AR: variants seen among roughly 807,000 people sequenced by gnomAD.
AR encodes androgen receptor, also known as dihydrotestosterone receptor.
Under a neutral mutation model 53.9 loss-of-function variants are expected in AR, and 8 were observed. That is an observed-to-expected ratio of 0.15 (90% CI 0.09 to 0.27). The LOEUF (loss-of-function observed/expected upper bound fraction) is 0.27. AR is among the 10% of genes least tolerant of loss of function. The probability of loss-of-function intolerance (pLI) is 1.00; values close to 1 mark genes in which losing one functional copy is unlikely to be tolerated. For synonymous variants in AR, 359 were observed against 316.4 expected (o/e 1.13, Z -1.43); for missense variants, 639 against 742.5 (o/e 0.86, Z 1.62).
intron 3 of AR, among the ~76,000 whole-genome samples, chrX:67,693,332 G>T (rs2076004596): frequency 8.9e-6 from 1 of 111,971 alleles, no homozygotes; most frequent in South Asian, 3.7e-4. Context: ...ATTTTCCAAA[G>T]GTAGTAGGCA....
chrX:67,660,093 C>A (rs939984299), intron 2 of AR, among the ~76,000 whole-genome samples: 6 of 111,316 alleles, frequency 5.4e-5, no homozygotes, highest in Non-Finnish European at 1.1e-4. Context: ...TGTTTGAGTT[C>A]TTTGTAGATT....
At chrX:67,602,342 C>T (rs1476499155) in intron 1 of AR, among the ~76,000 whole-genome samples, 1 of 111,624 alleles carries the variant, frequency 9.0e-6, no homozygotes, top group Non-Finnish European at 1.9e-5. Context: ...TAGAATGACC[C>T]TGAATACCTT....
intron 1 of AR, among the ~76,000 whole-genome samples, chrX:67,606,126 G>A (rs373165436): frequency 9.0e-6 from 1 of 110,793 alleles, no homozygotes; most frequent in East Asian, 2.8e-4. Context: ...GGAAAAGAGA[G>A]ATAAGGGAAA....
At chrX:67,573,581 A>C (rs1433404716) in intron 1 of AR, among the ~76,000 whole-genome samples, 3 of 111,452 alleles carry the variant, frequency 2.7e-5, no homozygotes, top group African/African-American at 9.8e-5. Flanking sequence ...TTCAATTATG[A>C]ATACATTTCT....
At chrX:67,650,379 T>G (rs757182682) in intron 2 of AR, among the ~76,000 whole-genome samples, 1 of 112,250 alleles carries the variant, frequency 8.9e-6, no homozygotes, top group Admixed American at 9.5e-5. Flanking sequence ...AGAAGCTTCT[T>G]CAGTCCTTTC....
At chrX:67,705,182 GA>G (rs939645169) in intron 3 of AR, among the ~76,000 whole-genome samples, 18 of 111,653 alleles carry the variant, frequency 1.6e-4, no homozygotes, top group Non-Finnish European at 3.0e-4. Context: ...ATTCTGTGGA[GA>G]AAGTCATTGA....
chrX:67,682,998 A>T (rs1287521085), intron 2 of AR, among the ~76,000 whole-genome samples: 1 of 112,329 alleles, frequency 8.9e-6, no homozygotes, highest in Non-Finnish European at 1.9e-5. Context: ...TGTCATGTGT[A>T]CCCATTTGTA....
chrX:67,560,549 A>G (rs1489453753), intron 1 of AR, among the ~76,000 whole-genome samples: 1 of 111,528 alleles, frequency 9.0e-6, no homozygotes, highest in African/African-American at 3.3e-5. Flanking sequence ...TAGTTGTGTA[A>G]TGCATGATTA....
At chrX:67,572,805 G>A (rs978880872) in intron 1 of AR, among the ~76,000 whole-genome samples, 2 of 111,584 alleles carry the variant, frequency 1.8e-5, no homozygotes, top group East Asian at 5.7e-4. Flanking sequence ...ATCATGGGTA[G>A]TCAAAAATAG....
intron 1 of AR, among the ~76,000 whole-genome samples, chrX:67,627,527 A>G (rs1165973080): frequency 7.2e-5 from 8 of 111,248 alleles, no homozygotes; most frequent in African/African-American, 2.6e-4. Context: ...GATTCTGGAT[A>G]TTAGCCCTTT....
At chrX:67,709,916 TTTAAAAACCC>T (rs2076086646) in intron 3 of AR, among the ~76,000 whole-genome samples, 1 of 112,025 alleles carries the variant, frequency 8.9e-6, no homozygotes, top group African/African-American at 3.2e-5. Flanking sequence ...CAAGGCCACT[TTTAAAAACCC>T]CATTCCCATA....
intron 1 of AR, among the ~76,000 whole-genome samples, chrX:67,547,268 T>C: frequency 9.0e-6 from 1 of 111,443 alleles, no homozygotes; most frequent in Non-Finnish European, 1.9e-5. Context: ...TAAAGTGAAA[T>C]TCTCGGTTAG....
In AR at chrX:67,546,034, C is replaced by T. The variant is rs779690243; in HGVS notation, c.888C>T (p.Asp296=). The change falls in exon 1 of 8, where the codon GAC becomes GAT. Residue 296 remains aspartate, a synonymous_variant. Coordinates refer to ENST00000374690, the MANE Select transcript of AR (RefSeq NM_000044.6). ...PLAECKGSLL[D]DSAGKSTEDT... ...CCGAATGCAAAGGTTCTCTGCTAGA[C>T]GACAGCGCAGGCAAGAGCACTGAAG... The T allele has an allele frequency of 4.1e-6, 5 of 1,212,313 alleles. No individual in the cohort carries two copies. The highest frequency in any genetic ancestry group is 4.5e-6 in the Non-Finnish European group (4 of 895,635).
At chrX:67,547,129 C>A (rs904040427) in intron 1 of AR, among the ~76,000 whole-genome samples, 1 of 111,653 alleles carries the variant, frequency 9.0e-6, no homozygotes, top group East Asian at 2.8e-4. Flanking sequence ...TCCTCAAAGT[C>A]TGAGAACCTC....
Position 67,545,447 on chromosome X carries a change from C to A in AR, c.301C>A (p.Arg101Ser), listed in dbSNP as rs2147315536. ...QGEDGSPQAH[R>S]RGPTGYLVLD... ...TGAGGATGGTTCTCCCCAAGCCCAT[C>A]GTAGAGGCCCCACAGGCTACCTGGT... Residue 101 changes from arginine (R) to serine (S), a missense_variant, in exon 1 of 8, where the codon CGT (arginine) becomes AGT (serine). By Grantham distance (110) the Arg-to-Ser change is moderately radical. This residue lies in a region of AR where 55 missense variants were observed against 84.8 expected (regional missense o/e 0.65). Coordinates refer to ENST00000374690, the MANE Select transcript of AR (RefSeq NM_000044.6). 1 of 1,201,078 alleles carries A rather than the reference C, an allele frequency of 8.3e-7. No homozygotes were observed. The highest frequency in any genetic ancestry group is 1.1e-6 in the Non-Finnish European group (1 of 890,453).
At chrX:67,583,659 A>G (rs1922393077) in intron 1 of AR, among the ~76,000 whole-genome samples, 2 of 111,806 alleles carry the variant, frequency 1.8e-5, no homozygotes, top group Non-Finnish European at 3.8e-5. Context: ...GTCTTCATGT[A>G]CTTTGTGGCA....
intron 3 of AR, chrX:67,695,244 G>A: frequency 1.3e-6 from 1 of 754,076 alleles, no homozygotes; most frequent in Non-Finnish European, 1.6e-6. Context: ...TCCCCCTTAG[G>A]TTCTAGCCTT....
intron 1 of AR, among the ~76,000 whole-genome samples, chrX:67,596,442 T>TA (rs1187788829): frequency 9.0e-6 from 1 of 111,707 alleles, no homozygotes; most frequent in Non-Finnish European, 1.9e-5. Flanking sequence ...ACTAATTATT[T>TA]AAAAAAGCAT....
chrX:67,581,324 T>C (rs1193421661), intron 1 of AR, among the ~76,000 whole-genome samples: 2 of 112,096 alleles, frequency 1.8e-5, no homozygotes, highest in African/African-American at 6.5e-5. Flanking sequence ...GTTTTATATG[T>C]ACCTCTTATA....
Sources: allele counts gnomAD v4.1 joint callset (sites outside exome capture counted in the v4.1 genomes callset), GRCh38; gene constraint gnomAD v4.1.1; regional missense constraint gnomAD v4.1.1; transcripts MANE v1.5; gene names NCBI Gene and HGNC (gene_info 2026-07-23, HGNC 2026-07-21).